Variants in SNTG2 observed in about 807,000 individuals in gnomAD.
The protein encoded by SNTG2 is syntrophin gamma 2.
A neutral mutation model predicts 70.9 loss-of-function variants in SNTG2; 74 were observed. The ratio of observed to expected loss-of-function variants is 1.04; its 90% CI spans 0.86 to 1.27. SNTG2 has a LOEUF of 1.27. SNTG2 is among the 50% of genes most tolerant of loss of function. SNTG2 has a pLI of 0.00. For missense variants in SNTG2, 717 were observed against 690.7 expected (o/e 1.04, Z -0.43); for synonymous variants, 278 against 273.8 (o/e 1.02, Z -0.15).
intron 14 of SNTG2, among the ~76,000 whole-genome samples, chr2:1,293,157 C>CTTTTT (rs71400092): frequency 2.3e-5 from 3 of 130,970 alleles, no homozygotes; most frequent in African/African-American, 8.4e-5. Flanking sequence ...TACTCTGTTA[C>CTTTTT]TTTTTTTTTT....
Position 1,137,793 on chromosome 2 carries a change from C to A in SNTG2, c.395C>A (p.Ala132Glu). Residue 132 changes from alanine (A) to glutamate (E), a missense_variant, in exon 6 of 17, where the codon GCA becomes GAA. By Grantham distance (107) the Ala-to-Glu change is moderately radical (BLOSUM62 -1). Transcript: ENST00000308624. Reference protein sequence around the residue: ...LQVNGIHVENATHEEVVHLLR... With the variant: ...LQVNGIHVENETHEEVVHLLR... ...GTTAATGGCATACATGTAGAAAATGCAACTCATGAAGAAGTGGTAAGTGAA... is the reference window on the plus strand; with the variant it reads ...GTTAATGGCATACATGTAGAAAATGAAACTCATGAAGAAGTGGTAAGTGAA... 1 of 1,612,854 alleles carries A rather than the reference C, an allele frequency of 6.2e-7. No homozygotes were observed. Among genetic ancestry groups the A allele is most frequent in the Non-Finnish European group, 8.5e-7 (1 of 1,179,274 alleles).
intron 12 of SNTG2, among the ~76,000 whole-genome samples, chr2:1,257,565 C>G (rs62108695): frequency 0.091 from 13,793 of 152,246 alleles, 695 homozygotes; most frequent in South Asian, 0.15. Flanking sequence ...ACAAAGAGCA[C>G]AGCCCCCTCC....
intron 1 of SNTG2, among the ~76,000 whole-genome samples, chr2:994,037 T>C (rs1661593392): frequency 6.6e-6 from 1 of 152,062 alleles, no homozygotes; most frequent in Non-Finnish European, 1.5e-5. Flanking sequence ...CTATAGTTTT[T>C]TTCTTATTTT....
intron 1 of SNTG2, among the ~76,000 whole-genome samples, chr2:957,394 TG>T (rs1469773286): frequency 1.3e-5 from 2 of 152,012 alleles, no homozygotes; most frequent in African/African-American, 4.8e-5. Flanking sequence ...TTTTGAAAGT[TG>T]GGGGTTTGGC....
chr2:951,128 C>G (rs1659941735), intron 1 of SNTG2, 60 bp downstream of exon 1: 2 of 747,616 alleles, frequency 2.7e-6, no homozygotes, highest in Non-Finnish European at 1.8e-6. Context: ...CCTTCGCGCC[C>G]TTCTCCCCCC....
intron 16 of SNTG2, among the ~76,000 whole-genome samples, chr2:1,332,832 A>C (rs1659602611): frequency 6.6e-6 from 1 of 152,232 alleles, no homozygotes; most frequent in African/African-American, 2.4e-5. Context: ...ATCTATGACA[A>C]ACCCACAGCC....
In SNTG2 at chr2:960,554, G is replaced by A. The variant is rs574093160; in HGVS notation, c.72+9486G>A. On this transcript the variant is annotated intron_variant, in intron 1 of 16. Coordinates refer to ENST00000308624, the MANE Select transcript of SNTG2 (RefSeq NM_018968.4). ...GAGCACGGTGAGCTCTGAGGGTTCC[G>A]GGGCACGGCTATAGGTTCTGAAGGG... Among the ~76,000 whole-genome samples, 6 of 146,218 alleles carry A rather than the reference G, an allele frequency of 4.1e-5. No homozygotes were observed. The East Asian group carries it at 6.2e-4, about 15-fold the overall frequency.
chr2:1,113,079 T>G lies in SNTG2; in HGVS notation c.325+14669T>G, dbSNP rs937020540. On this transcript the variant is annotated intron_variant, in intron 4 of 16. Transcript: ENST00000308624. ...AAAGATGGTGTGTACTAAGTGAGGT[T>G]TAACCCTTACAGTCCTTTGAGAAGG... Among the ~76,000 whole-genome samples the G allele has an allele frequency of 3.1e-4, 47 of 151,376 alleles. 1 individual carries two copies. Among genetic ancestry groups the G allele is most frequent in the African/African-American group, 9.3e-4 (38 of 40,996 alleles).
In SNTG2 at chr2:1,221,465, GTCTCTCTGTC is replaced by G. The variant is rs1674831246; in HGVS notation, c.719+12243_719+12252del. On this transcript the variant is annotated intron_variant, in intron 9 of 16. Coordinates refer to ENST00000308624, the MANE Select transcript of SNTG2 (RefSeq NM_018968.4). Reference sequence around the variant, plus strand: ...TCTGTCTCTGTCTCTCTCTGTCTCTGTCTCTCTGTCTCTCTCTCTCTCTGTCTCTCTCTGT... The same window carrying G: ...TCTGTCTCTGTCTCTCTCTGTCTCTGTCTCTCTCTCTCTGTCTCTCTCTGT... Among the ~76,000 whole-genome samples, 6 of 20,796 alleles carry G rather than the reference GTCTCTCTGTC, an allele frequency of 2.9e-4. 2 individuals carry two copies. The highest frequency in any genetic ancestry group is 6.4e-4 in the African/African-American group (2 of 3,148). 13.6% of individuals were successfully genotyped at this position (20,796 alleles called of 152,430 possible).
At chr2:1,312,576 A>G (rs1681056411) in intron 15 of SNTG2, among the ~76,000 whole-genome samples, 1 of 152,240 alleles carries the variant, frequency 6.6e-6, no homozygotes, top group African/African-American at 2.4e-5. Context: ...TGTAGGACCA[A>G]GAGCTGCTGG....
rs552747241 is a variant in SNTG2 at position 1,103,476 on chromosome 2, C to T, written c.325+5066C>T. 45 of 216,078 alleles carry T rather than the reference C, an allele frequency of 2.1e-4. 1 individual carries two copies. Among genetic ancestry groups the T allele is most frequent in the Middle Eastern group, 3.9e-3 (2 of 510 alleles). 13.4% of individuals were successfully genotyped at this position (216,078 alleles called of 1,614,324 possible). On this transcript the variant is annotated intron_variant, in intron 4 of 16. Coordinates refer to ENST00000308624, the MANE Select transcript of SNTG2 (RefSeq NM_018968.4). Reference sequence around the variant, plus strand: ...TTGGTTCACTGCAACCAACCTCCACCTCCCAGGTTCAAGTGATTCTCCTGT... The same window carrying T: ...TTGGTTCACTGCAACCAACCTCCACTTCCCAGGTTCAAGTGATTCTCCTGT...
At chr2:1,364,555 G>A (rs1340009065) in intron 16 of SNTG2, among the ~76,000 whole-genome samples, 1 of 150,654 alleles carries the variant, frequency 6.6e-6, no homozygotes, top group Non-Finnish European at 1.5e-5. Context: ...AGGAAATCGA[G>A]ACCATCCTGG....
chr2:1,222,135 G>GCCTA (rs1675242552), intron 9 of SNTG2, among the ~76,000 whole-genome samples: 1 of 103,016 alleles, frequency 9.7e-6, no homozygotes, highest in Non-Finnish European at 2.1e-5. Context: ...GTCTCTCTCT[G>GCCTA]TCTCTCTCTG....
chr2:1,184,017 G>A (rs1160294218), intron 8 of SNTG2, among the ~76,000 whole-genome samples: 1 of 152,170 alleles, frequency 6.6e-6, no homozygotes, highest in Admixed American at 6.5e-5. Flanking sequence ...GAATTTCAGC[G>A]AGTTGAATGG....
At chr2:1,279,788 G>C (rs1679440555) in intron 14 of SNTG2, among the ~76,000 whole-genome samples, 1 of 152,182 alleles carries the variant, frequency 6.6e-6, no homozygotes, top group Admixed American at 6.5e-5. Context: ...TCTGGGCATT[G>C]CAGTTAACAT....
intron 1 of SNTG2, among the ~76,000 whole-genome samples, chr2:1,042,874 G>A (rs1041659365): frequency 2.0e-5 from 3 of 152,162 alleles, no homozygotes; most frequent in Admixed American, 6.5e-5. Context: ...GCATTCCCTT[G>A]TGTATATACC....
chr2:1,062,854 ATGTG>A (rs1248610703), intron 1 of SNTG2, among the ~76,000 whole-genome samples: 2 of 152,194 alleles, frequency 1.3e-5, no homozygotes, highest in Non-Finnish European at 2.9e-5. Flanking sequence ...TGGAAAAAAT[ATGTG>A]TGTGTGCATA....
intron 1 of SNTG2, among the ~76,000 whole-genome samples, chr2:966,355 A>G (rs1660569535): frequency 1.3e-5 from 2 of 152,116 alleles, no homozygotes; most frequent in African/African-American, 2.4e-5. Context: ...TGATTCTGCA[A>G]TTTGTTACTT....
chr2:950,992 C>T lies in SNTG2; in HGVS notation c.-5C>T. Reference sequence around the variant, plus strand: ...CGGAGCGCGGACCCAGCCGCAGGGGCGGCGATGGGCACCGAGGGACCCCCG... The same window carrying T: ...CGGAGCGCGGACCCAGCCGCAGGGGTGGCGATGGGCACCGAGGGACCCCCG... On this transcript the variant is annotated 5_prime_UTR_variant, in exon 1 of 17. Coordinates refer to ENST00000308624, the MANE Select transcript of SNTG2 (RefSeq NM_018968.4). 8.1e-7 allele frequency: 1 copy of T among 1,240,106 alleles called. No homozygotes were observed. The highest frequency in any genetic ancestry group is 1.0e-6 in the Non-Finnish European group (1 of 993,606). The allele number at this position is 1,240,106 out of a possible 1,614,324, so 76.8% of individuals were successfully genotyped here. A position where few individuals can be genotyped will look rare whatever the true frequency, so the allele number is the denominator to read the frequency against.
Sources: allele counts gnomAD v4.1 joint callset (sites outside exome capture counted in the v4.1 genomes callset), GRCh38; gene constraint gnomAD v4.1.1; transcripts MANE v1.5; gene names NCBI Gene and HGNC (gene_info 2026-07-23, HGNC 2026-07-21).